The following AKT3 variants were observed in gnomAD, a reference collection of about 807,000 sequenced individuals.
The protein encoded by AKT3 is RAC-gamma serine/threonine-protein kinase.
AKT3 carries 15 observed loss-of-function variants against 65.3 expected under a neutral mutation model. The observed-to-expected ratio is 0.23, with a 90% CI of 0.15 to 0.35. The LOEUF is 0.35. AKT3 is among the 10% of genes least tolerant of loss of function. The probability of loss-of-function intolerance (pLI) is 1.00; values close to 1 mark genes in which losing one functional copy is unlikely to be tolerated. For synonymous variants in AKT3, 206 were observed against 183.8 expected, an observed-to-expected ratio of 1.12 and a Z score of -0.98; for missense variants, 243 against 576.5, an observed-to-expected ratio of 0.42 and a Z score of 5.92.
intron 2 of AKT3, among the ~76,000 whole-genome samples, chr1:243,772,271 A>C (rs1196334708): frequency 2.0e-5 from 3 of 152,126 alleles, no homozygotes; most frequent in African/African-American, 7.2e-5. Flanking sequence ...AATGGGAGAA[A>C]ATTTTTGCAA....
At chr1:243,567,843 T>C (rs1005919971) in intron 9 of AKT3, among the ~76,000 whole-genome samples, 18 of 152,210 alleles carry the variant, frequency 1.2e-4, no homozygotes, top group African/African-American at 4.3e-4. Context: ...CAATACATGA[T>C]AATTTTACTC....
intron 2 of AKT3, among the ~76,000 whole-genome samples, chr1:243,820,575 T>G (rs7552820): frequency 2.6e-5 from 4 of 151,964 alleles, no homozygotes; most frequent in Non-Finnish European, 4.4e-5. Context: ...CAGGAGCTGT[T>G]AACCAGAATA....
intron 13 of AKT3, among the ~76,000 whole-genome samples, chr1:243,490,963 A>T (rs1466310227): frequency 1.3e-5 from 2 of 152,218 alleles, no homozygotes; most frequent in African/African-American, 4.8e-5. Context: ...GCAGGTGACT[A>T]GGCTCTTGTC....
At chr1:243,843,043 A>G in intron 2 of AKT3, 82 bp downstream of exon 2, 1 of 1,409,100 alleles carries the variant, frequency 7.1e-7, no homozygotes, top group Non-Finnish European at 9.9e-7. Context: ...TAACAGTATC[A>G]GAAAAAAGAT....
At chr1:243,751,347 G>C (rs1000721722) in intron 2 of AKT3, among the ~76,000 whole-genome samples, 2 of 152,204 alleles carry the variant, frequency 1.3e-5, no homozygotes, top group Non-Finnish European at 2.9e-5. Flanking sequence ...AAATGAAGCA[G>C]ACATTCATGC....
intron 4 of AKT3, among the ~76,000 whole-genome samples, chr1:243,648,488 G>C (rs1246973183): frequency 3.3e-5 from 5 of 152,054 alleles, no homozygotes; most frequent in Admixed American, 3.3e-4. Context: ...TTGATACTTT[G>C]TTAAGAAATT....
At chr1:243,587,764 A>T (rs752234128) in intron 8 of AKT3, among the ~76,000 whole-genome samples, 1 of 152,170 alleles carries the variant, frequency 6.6e-6, no homozygotes, top group Non-Finnish European at 1.5e-5. Flanking sequence ...TCACAATATA[A>T]TACGATAAAT....
chr1:243,800,366 C>T (rs796440239), intron 2 of AKT3, among the ~76,000 whole-genome samples: 8 of 152,292 alleles, frequency 5.3e-5, no homozygotes, highest in African/African-American at 1.9e-4. Flanking sequence ...TGTTTTCTAA[C>T]TAAGAGTGTT....
At chr1:243,650,819 T>G (rs1184665333) in intron 4 of AKT3, among the ~76,000 whole-genome samples, 1 of 152,194 alleles carries the variant, frequency 6.6e-6, no homozygotes, top group African/African-American at 2.4e-5. Context: ...TGTAGTATAG[T>G]TTGAAGTCAG....
At chr1:243,694,817 GA>G (rs1487415955) in intron 3 of AKT3, among the ~76,000 whole-genome samples, 1 of 151,612 alleles carries the variant, frequency 6.6e-6, no homozygotes, top group African/African-American at 2.4e-5. Flanking sequence ...ATGGCTAATA[GA>G]TAACATATAA....
intron 8 of AKT3, 105 bp from the exon 9 acceptor site, chr1:243,573,153 A>G: frequency 7.4e-7 from 1 of 1,349,818 alleles, no homozygotes; most frequent in Non-Finnish European, 1.0e-6. Flanking sequence ...GATGATAGAT[A>G]GTGTACTCTC....
At chr1:243,849,386 A>ACCCCCCCCCCCCCCCCCCCCCCCCCC (rs57424400) in intron 1 of AKT3, among the ~76,000 whole-genome samples, 13 of 107,018 alleles carry the variant, frequency 1.2e-4, no homozygotes, top group South Asian at 3.4e-4. Context: ...CCACACACAC[A>ACCCCCCCCCCCCCCCCCCCCCCCCCC]CCCCCCCCCC....
At chr1:243,840,592 A>C (rs562497195) in intron 2 of AKT3, among the ~76,000 whole-genome samples, 22 of 152,360 alleles carry the variant, frequency 1.4e-4, no homozygotes, top group Non-Finnish European at 2.1e-4. Flanking sequence ...GTAATATTTT[A>C]ACTGCTTTTC....
chr1:243,610,788 G>A (rs200009087), intron 8 of AKT3, among the ~76,000 whole-genome samples: 24 of 152,088 alleles, frequency 1.6e-4, no homozygotes, highest in Non-Finnish European at 2.6e-4. Flanking sequence ...ACATGTTTAC[G>A]GTCTAATTTT....
At chr1:243,803,834 C>T (rs1220455036) in intron 2 of AKT3, among the ~76,000 whole-genome samples, 1 of 152,164 alleles carries the variant, frequency 6.6e-6, no homozygotes, top group Admixed American at 6.5e-5. Context: ...CTCCTGGCTA[C>T]CGTGATACAT....
At chr1:243,567,842 A>G (rs188518452) in intron 9 of AKT3, among the ~76,000 whole-genome samples, 4 of 152,314 alleles carry the variant, frequency 2.6e-5, no homozygotes, top group Admixed American at 1.3e-4. Flanking sequence ...ACAATACATG[A>G]TAATTTTACT....
intron 2 of AKT3, among the ~76,000 whole-genome samples, chr1:243,726,244 A>G (rs1224353556): frequency 2.6e-5 from 4 of 152,234 alleles, no homozygotes; most frequent in Non-Finnish European, 5.9e-5. Flanking sequence ...CGAAAGGCAG[A>G]TAATATCAGA....
chr1:243,531,236 G>A lies in AKT3; in HGVS notation c.1251+14274C>T, dbSNP rs550567530. Among the ~76,000 whole-genome samples the A allele has an allele frequency of 6.6e-5, 10 of 152,072 alleles. No homozygotes were observed. The South Asian group carries it at 8.3e-4, about 13-fold the overall frequency. ...CTCCTGAGTAGCTGAGACTACAGTC[G>A]TGCACCACCATGCCCGGCTAATTTT... is the stretch of plus-strand genomic sequence containing the variant. On this transcript the variant is annotated intron_variant, in intron 12 of 13. Transcript: ENST00000673466.
chr1:243,850,873 C>T (rs570072941), upstream of AKT3, among the ~76,000 whole-genome samples: 379 of 152,220 alleles, frequency 2.5e-3, 1 homozygote, highest in African/African-American at 8.4e-3. Context: ...CCCCCTCGCC[C>T]GCGTGGCCCT....
Sources: allele counts gnomAD v4.1 joint callset (sites outside exome capture counted in the v4.1 genomes callset), GRCh38; gene constraint gnomAD v4.1.1; transcripts MANE v1.5; gene names NCBI Gene and HGNC (gene_info 2026-07-23, HGNC 2026-07-21).